PDSS2: variants seen among roughly 807,000 people sequenced by gnomAD.
PDSS2 encodes the protein decaprenyl diphosphate synthase subunit 2, also known as all trans-polyprenyl-diphosphate synthase PDSS2.
A neutral mutation model predicts 44.5 loss-of-function variants in PDSS2; 31 were observed. The observed-to-expected ratio is 0.70, with a 90% CI of 0.52 to 0.94. PDSS2 has a LOEUF of 0.94. Among genes scored for constraint, PDSS2 ranks in the 40% least tolerant of loss-of-function variants. The pLI is 0.00. For synonymous variants in PDSS2, 157 were observed against 180.3 expected, an observed-to-expected ratio of 0.87 and a Z score of 1.03; for missense variants, 452 against 482.2, an observed-to-expected ratio of 0.94 and a Z score of 0.59.
chr6:107,159,509 C>G (rs370484820), intron 7 of PDSS2, among the ~76,000 whole-genome samples: 2 of 151,368 alleles, frequency 1.3e-5, no homozygotes, highest in Non-Finnish European at 2.9e-5. Context: ...CTCCGCCTCC[C>G]GGGTTCAAGC....
At position 107,353,177 on chromosome 6, in the gene PDSS2, T is replaced by G. The variant is rs550327453; in HGVS notation, c.297-18845A>C. On this transcript the variant is annotated intron_variant, in intron 1 of 7. Transcript: ENST00000369037. ...CTTTTAAGACACTGAAAAAAAAAGA[T>G]TTTTTAAAAGACTATGGCAAAAAGC... Among the ~76,000 whole-genome samples the G allele has an allele frequency of 1.3e-3, 202 of 152,266 alleles. 1 individual carries two copies. The highest frequency in any genetic ancestry group is 3.4e-3 in the Middle Eastern group (1 of 294).
intron 6 of PDSS2, among the ~76,000 whole-genome samples, chr6:107,195,265 G>C (rs1015038111): frequency 9.2e-5 from 14 of 151,994 alleles, no homozygotes; most frequent in African/African-American, 2.9e-4. Context: ...AGGATTGTTT[G>C]AGCCCGTGAG....
intron 1 of PDSS2, among the ~76,000 whole-genome samples, chr6:107,432,119 TG>T (rs879903322): frequency 6.6e-6 from 1 of 152,218 alleles, no homozygotes; most frequent in Non-Finnish European, 1.5e-5. Flanking sequence ...TACTACTGAA[TG>T]AAAGTGGTGG....
intron 1 of PDSS2, among the ~76,000 whole-genome samples, chr6:107,403,052 T>C (rs1239643861): frequency 1.3e-5 from 2 of 152,278 alleles, no homozygotes; most frequent in South Asian, 4.1e-4. Context: ...CAAAGTTTCA[T>C]CCGAGACAAG....
intron 4 of PDSS2, among the ~76,000 whole-genome samples, chr6:107,234,145 A>G (rs1195469399): frequency 6.6e-6 from 1 of 152,218 alleles, no homozygotes; most frequent in African/African-American, 2.4e-5. Flanking sequence ...AAAGCCTGGT[A>G]GATAATCACT....
chr6:107,285,799 G>A lies in PDSS2; in HGVS notation c.432-11572C>T, dbSNP rs1355655776. On this transcript the variant is annotated intron_variant, in intron 2 of 7. Transcript: ENST00000369037. The stretch of plus-strand genomic sequence containing the variant: ...AAACATCCTTATGGACATGGGGTGA[G>A]ATAGTTTTGCAAAACAGAATAGGAA... Among the ~76,000 whole-genome samples the A allele has an allele frequency of 2.6e-5, 4 of 152,122 alleles. 1 individual carries two copies. The East Asian group carries it at 5.8e-4, about 22-fold the overall frequency.
intron 1 of PDSS2, among the ~76,000 whole-genome samples, chr6:107,370,354 G>A (rs1410255635): frequency 6.6e-6 from 1 of 152,150 alleles, no homozygotes; most frequent in East Asian, 1.9e-4. Flanking sequence ...AATCATTTAC[G>A]CAAGATTACC....
intron 4 of PDSS2, among the ~76,000 whole-genome samples, chr6:107,244,390 C>A (rs1273339050): frequency 2.0e-5 from 3 of 152,178 alleles, no homozygotes; most frequent in African/African-American, 7.2e-5. Context: ...TACAACGTAA[C>A]TTTTTACAAG....
rs373143132 is a variant in PDSS2 at position 107,284,066 on chromosome 6, A to AATAAATAAAT, written c.432-9840_432-9839insATTTATTTAT. On this transcript the variant is annotated intron_variant, in intron 2 of 7. Coordinates refer to ENST00000369037, the MANE Select transcript of PDSS2 (RefSeq NM_020381.4). ...TAAAATAAAAATAAATAAATAAATA[A>AATAAATAAAT]AAATAAAATAGGAGAAGAATTGTGT... is the stretch of plus-strand genomic sequence containing the variant. Among the ~76,000 whole-genome samples the AATAAATAAAT allele has an allele frequency of 0.013, 1,928 of 151,466 alleles. 110 individuals carry two copies. The East Asian group carries it at 0.19, about 15-fold the overall frequency.
chr6:107,317,014 A>C (rs1422140475), intron 2 of PDSS2, among the ~76,000 whole-genome samples: 5 of 152,236 alleles, frequency 3.3e-5, no homozygotes, highest in Non-Finnish European at 7.3e-5. Context: ...AAGTAAAAGC[A>C]ACTAGGCCCC....
chr6:107,270,647 C>T (rs577261685), intron 3 of PDSS2, among the ~76,000 whole-genome samples: 29 of 152,234 alleles, frequency 1.9e-4, no homozygotes, highest in African/African-American at 5.1e-4. Context: ...GGTTGCTTAA[C>T]GTAGTAAAAA....
chr6:107,373,466 C>T (rs555312061), intron 1 of PDSS2, among the ~76,000 whole-genome samples: 6 of 152,258 alleles, frequency 3.9e-5, no homozygotes, highest in Non-Finnish European at 5.9e-5. Flanking sequence ...CAGGAAACAA[C>T]GTGTTAAATT....
intron 6 of PDSS2, among the ~76,000 whole-genome samples, chr6:107,203,350 T>C (rs1332686191): frequency 3.3e-5 from 5 of 152,220 alleles, no homozygotes; most frequent in African/African-American, 4.8e-5. Flanking sequence ...TCTAGTCCCA[T>C]ATATTTTCTC....
intron 2 of PDSS2, among the ~76,000 whole-genome samples, chr6:107,329,438 C>T (rs918293856): frequency 4.6e-5 from 7 of 152,150 alleles, no homozygotes; most frequent in African/African-American, 1.7e-4. Flanking sequence ...CCCTGCTTCT[C>T]ATATATGAGT....
At chr6:107,161,452 C>T (rs1218495017) in intron 7 of PDSS2, among the ~76,000 whole-genome samples, 1 of 149,170 alleles carries the variant, frequency 6.7e-6, no homozygotes, top group Admixed American at 6.7e-5. Flanking sequence ...TGCACTCCAA[C>T]CTGGGTGACA....
At chr6:107,438,164 T>A (rs1781411603) in intron 1 of PDSS2, among the ~76,000 whole-genome samples, 1 of 152,146 alleles carries the variant, frequency 6.6e-6, no homozygotes, top group African/African-American at 2.4e-5. Flanking sequence ...TTAATTAGAC[T>A]CAATAACTCA....
At chr6:107,394,315 C>T (rs956035101) in intron 1 of PDSS2, among the ~76,000 whole-genome samples, 18 of 152,142 alleles carry the variant, frequency 1.2e-4, no homozygotes, top group African/African-American at 3.6e-4. Flanking sequence ...AACTGGCTTA[C>T]GGTTCTGCAG....
chr6:107,208,285 CTTTTTTTTTTT>C (rs1164014672), intron 6 of PDSS2, among the ~76,000 whole-genome samples: 2,189 of 53,352 alleles, frequency 0.041, 97 homozygotes, highest in African/African-American at 0.16. Flanking sequence ...CATGCCTGGC[CTTTTTTTTTTT>C]TTTTTTTTTT....
intron 6 of PDSS2, among the ~76,000 whole-genome samples, chr6:107,207,978 G>GT (rs756043067): frequency 0.18 from 11,910 of 67,744 alleles, 1,819 homozygotes; most frequent in African/African-American, 0.36. Flanking sequence ...TCTATGACTT[G>GT]TTTTTTTTTT....
Sources: gnomAD v4.1 joint callset for allele counts (sites outside exome capture counted in the v4.1 genomes callset) on GRCh38, gnomAD v4.1.1 for gene constraint, MANE v1.5 for transcripts, NCBI Gene and HGNC (gene_info 2026-07-23, HGNC 2026-07-21) for gene names.